ENPP3: variants seen among roughly 807,000 people sequenced by gnomAD.
ENPP3 encodes the protein ectonucleotide pyrophosphatase/phosphodiesterase 3.
ENPP3 carries 104 observed loss-of-function variants against 117.8 expected under a neutral mutation model. The observed-to-expected ratio is 0.88, with a 90% CI of 0.75 to 1.04. The LOEUF is 1.04. Among genes scored for constraint, ENPP3 ranks in the 50% least tolerant of loss-of-function variants. The pLI is 0.00. For missense variants in ENPP3, 1,026 were observed against 1,051.9 expected (o/e 0.98, Z 0.34); for synonymous variants, 380 against 349.9 (o/e 1.09, Z -0.96).
chr6:131,683,725 A>T (rs890941572), intron 12 of ENPP3, among the ~76,000 whole-genome samples: 44 of 150,962 alleles, frequency 2.9e-4, no homozygotes, highest in African/African-American at 1.0e-3. Context: ...ACAGTTTTGA[A>T]GTACATATGC....
chr6:131,668,064 T>C (rs2114364815), intron 6 of ENPP3, among the ~76,000 whole-genome samples: 1 of 152,272 alleles, frequency 6.6e-6, no homozygotes, highest in Admixed American at 6.5e-5. Flanking sequence ...AAGTACCTAT[T>C]TTCAGCCTGT....
intron 11 of ENPP3, 52 bp from the exon 12 acceptor site, chr6:131,683,002 G>T: frequency 9.4e-7 from 1 of 1,067,964 alleles, no homozygotes; most frequent in Non-Finnish European, 1.5e-6. Context: ...ATAACGGTTT[G>T]GCTAATTAAG....
intron 7 of ENPP3, among the ~76,000 whole-genome samples, chr6:131,673,201 T>C (rs1468606814): frequency 6.6e-6 from 1 of 152,112 alleles, no homozygotes; most frequent in East Asian, 1.9e-4. Context: ...AGAAAAAATA[T>C]ATATATATAC....
intron 21 of ENPP3, among the ~76,000 whole-genome samples, chr6:131,736,653 A>G (rs1240562844): frequency 6.6e-6 from 1 of 152,154 alleles, no homozygotes; most frequent in Non-Finnish European, 1.5e-5. Context: ...TTTTCTTCAG[A>G]AAATTTTATT....
chr6:131,637,334 A>T lies in ENPP3; in HGVS notation c.-51A>T. On this transcript the variant is annotated 5_prime_UTR_variant, in exon 1 of 25. Transcript: ENST00000357639. ...TTCTCTTTGCCAGACTAGACTAAAG[A>T]AGGAGCACTAATTTATTCTGATAAA... is the stretch of plus-strand genomic sequence containing the variant. 1 of 1,152,984 alleles carries T rather than the reference A, an allele frequency of 8.7e-7. No individual in the cohort carries two copies. Among genetic ancestry groups the T allele is most frequent in the Non-Finnish European group, 1.2e-6 (1 of 814,646 alleles). The allele number at this position is 1,152,984 out of a possible 1,614,324, so 71.4% of individuals were successfully genotyped here. A position where few individuals can be genotyped will look rare whatever the true frequency, so the allele number is the denominator to read the frequency against.
At chr6:131,737,872 A>G (rs1435732829) in intron 22 of ENPP3, among the ~76,000 whole-genome samples, 159 bp from the exon 23 acceptor site, 1 of 152,146 alleles carries the variant, frequency 6.6e-6, no homozygotes, top group Non-Finnish European at 1.5e-5. Context: ...GTGGCTGTTT[A>G]TTTTTGCTTG....
rs1273568749 is a variant in ENPP3 at position 131,693,608 on chromosome 6, C to G, written c.1396C>G (p.Gln466Glu). ...IDKVHLFVDQ[Q>E]WLAVRSKSNT... ...CAAAGTTCATCTCTTTGTGGATCAA[C>G]AGTGGCTGGCTGTTAGGTTCGTGTA... Residue 466 changes from glutamine to glutamate, a missense_variant, in exon 15 of 25, where the codon CAG becomes GAG. By Grantham distance (29) the Gln-to-Glu change is conservative (BLOSUM62 2). Transcript: ENST00000357639. 6.2e-7 allele frequency: 1 copy of G among 1,613,424 alleles called. No homozygotes were observed. The highest frequency in any genetic ancestry group is 8.5e-7 in the Non-Finnish European group (1 of 1,179,722).
chr6:131,719,155 A>T (rs565875720), intron 16 of ENPP3, among the ~76,000 whole-genome samples: 1 of 152,170 alleles, frequency 6.6e-6, no homozygotes, highest in East Asian at 1.9e-4. Flanking sequence ...GAAACTTTAA[A>T]TAGGGTGGAA....
intron 14 of ENPP3, among the ~76,000 whole-genome samples, chr6:131,687,552 A>C (rs909647145): frequency 1.3e-5 from 2 of 152,210 alleles, no homozygotes; most frequent in Non-Finnish European, 2.9e-5. Context: ...CAAAGAAACT[A>C]TCAACAGAGC....
chr6:131,724,033 C>G lies in ENPP3; in HGVS notation c.1747-7C>G, dbSNP rs761384564. 1.4e-5 allele frequency: 22 copies of G among 1,607,650 alleles called. No individual in the cohort carries two copies. Among genetic ancestry groups the G allele is most frequent in the Non-Finnish European group, 1.9e-5 (22 of 1,174,872 alleles). On this transcript the variant is annotated splice_region_variant and splice_polypyrimidine_tract_variant and intron_variant, in intron 18 of 24. Coordinates refer to ENST00000357639, the MANE Select transcript of ENPP3 (RefSeq NM_005021.5). ...CCTCCCCTTTCCCATCCCTCATTAT[C>G]TTGCAGAGTACTCAGCTGGAACAAG...
At chr6:131,656,555 C>T (rs1562432102) in intron 5 of ENPP3, among the ~76,000 whole-genome samples, 1 of 152,138 alleles carries the variant, frequency 6.6e-6, no homozygotes, top group South Asian at 2.1e-4. Flanking sequence ...ATCACGAAGT[C>T]AGGAGATTGA....
intron 15 of ENPP3, chr6:131,701,429 A>G: frequency 1.3e-6 from 2 of 1,569,440 alleles, no homozygotes; most frequent in Non-Finnish European, 8.7e-7. Flanking sequence ...AATCAAGTTA[A>G]TGCTCATGGT....
intron 2 of ENPP3, among the ~76,000 whole-genome samples, chr6:131,645,390 G>A (rs1404728356): frequency 6.6e-6 from 1 of 152,172 alleles, no homozygotes; most frequent in Admixed American, 6.5e-5. Context: ...GTGCAGTTGG[G>A]TATAGAATAA....
chr6:131,644,179 T>C (rs1778110695), intron 2 of ENPP3, among the ~76,000 whole-genome samples: 1 of 152,160 alleles, frequency 6.6e-6, no homozygotes, highest in Admixed American at 6.5e-5. Context: ...ATCTACTAAA[T>C]AAAGAGGAAC....
In ENPP3 at chr6:131,692,952, CA is replaced by C. The variant is rs568214970; in HGVS notation, c.1285-544del. ...ATATGATATATAGTTATATATTATA[CA>C]CTATATATGATATATAGTTATATAT... On this transcript the variant is annotated intron_variant, in intron 14 of 24. Coordinates refer to ENST00000357639, the MANE Select transcript of ENPP3 (RefSeq NM_005021.5). Among the ~76,000 whole-genome samples, 17 of 127,712 alleles carry C rather than the reference CA, an allele frequency of 1.3e-4. No homozygotes were observed. In the South Asian group the frequency reaches 2.1e-3, roughly 16 times the overall value. 83.8% of individuals were successfully genotyped at this position (127,712 alleles called of 152,430 possible).
chr6:131,693,054 G>A (rs951251826), intron 14 of ENPP3, among the ~76,000 whole-genome samples: 1 of 140,918 alleles, frequency 7.1e-6, no homozygotes, highest in Non-Finnish European at 1.5e-5. Flanking sequence ...TAATATATAT[G>A]TTTATATATT....
intron 24 of ENPP3, among the ~76,000 whole-genome samples, chr6:131,743,009 G>T (rs1000330620): frequency 6.6e-6 from 1 of 152,144 alleles, no homozygotes; most frequent in Non-Finnish European, 1.5e-5. Flanking sequence ...TGTGACATCT[G>T]TATAGATAAT....
Position 131,746,969 on chromosome 6 carries a change from T to C in ENPP3, c.*13T>C. ...AACCACTATTTAACTTAATAATGTC[T>C]ACTTAATATATAATTTACTGTATAA... On this transcript the variant is annotated 3_prime_UTR_variant, in exon 25 of 25. Transcript: ENST00000357639. 6.9e-7 allele frequency: 1 copy of C among 1,448,138 alleles called. No homozygotes were observed. Among genetic ancestry groups the C allele is most frequent in the Non-Finnish European group, 9.5e-7 (1 of 1,050,094 alleles). 89.7% of individuals were successfully genotyped at this position (1,448,138 alleles called of 1,614,324 possible). A position where few individuals can be genotyped will look rare whatever the true frequency, so the allele number is the denominator to read the frequency against.
At chr6:131,667,445 T>G (rs893699899) in intron 6 of ENPP3, among the ~76,000 whole-genome samples, 1 of 152,210 alleles carries the variant, frequency 6.6e-6, no homozygotes, top group African/African-American at 2.4e-5. Context: ...AGTGCCTGTG[T>G]GCTCGTTAGA....
Sources: allele counts gnomAD v4.1 joint callset (sites outside exome capture counted in the v4.1 genomes callset), GRCh38; gene constraint gnomAD v4.1.1; transcripts MANE v1.5; gene names NCBI Gene and HGNC (gene_info 2026-07-23, HGNC 2026-07-21).